VGLL3: variants seen among roughly 807,000 people sequenced by gnomAD.
The protein encoded by VGLL3 is vestigial like family member 3.
Under a neutral mutation model 29.2 loss-of-function variants are expected in VGLL3, and 18 were observed. The observed-to-expected ratio is 0.62, with a 90% confidence interval of 0.43 to 0.91. VGLL3 has a LOEUF of 0.91. VGLL3 is among the 40% of genes least tolerant of loss of function. The probability of loss-of-function intolerance (pLI) is 0.00; values close to 1 mark genes in which losing one functional copy is unlikely to be tolerated. For missense variants in VGLL3, 440 were observed against 413.2 expected (o/e 1.06, Z -0.56); for synonymous variants, 180 against 151.8 (o/e 1.19, Z -1.36).
At chr3:86,964,287 G>T (rs916931461) in intron 3 of VGLL3, among the ~76,000 whole-genome samples, 3 of 152,120 alleles carry the variant, frequency 2.0e-5, no homozygotes, top group Non-Finnish European at 2.9e-5. Flanking sequence ...GTATGGCATG[G>T]CAAAGCATAA....
chr3:86,950,441 A>T (rs1389777240), intron 3 of VGLL3, among the ~76,000 whole-genome samples: 1 of 152,106 alleles, frequency 6.6e-6, no homozygotes, highest in Admixed American at 6.5e-5. Flanking sequence ...TAGGATTTTA[A>T]AAGAGGTGGT....
chr3:86,978,721 C>G lies in VGLL3; in HGVS notation c.208G>C (p.Glu70Gln). The G allele has an allele frequency of 6.2e-7, 1 of 1,614,062 alleles. No individual in the cohort carries two copies. Among genetic ancestry groups the G allele is most frequent in the South Asian group, 1.1e-5 (1 of 91,082 alleles). The change falls in exon 2 of 4, where the codon GAG (glutamate) becomes CAG (glutamine). Residue 70 changes from glutamate to glutamine, a missense_variant. By Grantham distance (29) the Glu-to-Gln change is conservative (BLOSUM62 2). Coordinates refer to ENST00000398399, the MANE Select transcript of VGLL3 (RefSeq NM_016206.4). ...GGCTGGTCTTTCTCCTCCTCCTCCT[C>G]CTCCTCATCCTCCTCCTCTTGTTTG... ...PSKQEEEDEEEEEEEKDQPAE... is the reference protein window; with the variant it reads ...PSKQEEEDEEQEEEEKDQPAE...
chr3:86,966,773 GTATATATATATATATATATATATATA>G lies in VGLL3; in HGVS notation c.937+1791_937+1816del, dbSNP rs55986686. Among the ~76,000 whole-genome samples, 185 of 38,002 alleles carry G rather than the reference GTATATATATATATATATATATATATA, an allele frequency of 4.9e-3. 4 individuals carry two copies. The highest frequency in any genetic ancestry group is 0.014 in the African/African-American group (154 of 10,956). 24.9% of individuals were successfully genotyped at this position (38,002 alleles called of 152,430 possible). A position where few individuals can be genotyped will look rare whatever the true frequency, so the allele number is the denominator to read the frequency against. On this transcript the variant is annotated intron_variant, in intron 3 of 3. Transcript: ENST00000398399. ...GAACTTAAAGTAATAGTGTGTGTGT[GTATATATATATATATATATATATATA>G]TATATATATATATATATATATATAT...
At chr3:86,970,696 A>G (rs532145598) in intron 2 of VGLL3, among the ~76,000 whole-genome samples, 8 of 152,224 alleles carry the variant, frequency 5.3e-5, no homozygotes, top group African/African-American at 1.9e-4. Context: ...AAGGGTTTTA[A>G]TCTAGTAAGT....
intron 3 of VGLL3, among the ~76,000 whole-genome samples, chr3:86,948,935 T>A (rs910895608): frequency 6.6e-6 from 1 of 152,220 alleles, no homozygotes; most frequent in African/African-American, 2.4e-5. Flanking sequence ...GTTGGGTAAC[T>A]CTTGTAATCT....
chr3:86,971,892 C>A (rs1207567004), intron 2 of VGLL3, among the ~76,000 whole-genome samples: 1 of 152,196 alleles, frequency 6.6e-6, no homozygotes, highest in African/African-American at 2.4e-5. Context: ...ATCTTTGGGA[C>A]CAAAGCCTTC....
intron 3 of VGLL3, among the ~76,000 whole-genome samples, chr3:86,967,867 A>G (rs1704996962): frequency 6.6e-6 from 1 of 152,204 alleles, no homozygotes; most frequent in Non-Finnish European, 1.5e-5. Context: ...TGAATTCCAG[A>G]CAGGAGATGA....
At chr3:86,971,552 G>A (rs1196858305) in intron 2 of VGLL3, among the ~76,000 whole-genome samples, 2 of 152,180 alleles carry the variant, frequency 1.3e-5, no homozygotes, top group Non-Finnish European at 2.9e-5. Context: ...TTAATTGAAT[G>A]ACTTTGTTAA....
At chr3:86,978,260 C>T (rs1705249572) in intron 2 of VGLL3, among the ~76,000 whole-genome samples, 1 of 152,178 alleles carries the variant, frequency 6.6e-6, no homozygotes, top group Non-Finnish European at 1.5e-5. Context: ...CTTCGCAGCT[C>T]AGTGCAGCCA....
chr3:86,970,693 T>G (rs1049257704), intron 2 of VGLL3, among the ~76,000 whole-genome samples: 4 of 152,126 alleles, frequency 2.6e-5, no homozygotes, highest in African/African-American at 7.2e-5. Flanking sequence ...TTGAAGGGTT[T>G]TAATCTAGTA....
rs985076356 is a variant in VGLL3 at position 86,946,490 on chromosome 3, T to C, written c.*534A>G. 6.6e-6 allele frequency: 1 copy of C among 152,276 alleles called. No individual in the cohort carries two copies. Among genetic ancestry groups the C allele is most frequent in the African/African-American group, 2.4e-5 (1 of 41,460 alleles). 9.4% of individuals were successfully genotyped at this position (152,276 alleles called of 1,614,324 possible). ...ATAATAGACATCTTAGAGATAAGCA[T>C]TTTAAACATTTTTGCCAGTGCTTCT... On this transcript the variant is annotated 3_prime_UTR_variant, in exon 4 of 4. Coordinates refer to ENST00000398399, the MANE Select transcript of VGLL3 (RefSeq NM_016206.4).
intron 2 of VGLL3, among the ~76,000 whole-genome samples, chr3:86,971,781 G>A (rs1298590137): frequency 1.3e-5 from 2 of 152,174 alleles, no homozygotes; most frequent in Non-Finnish European, 2.9e-5. Flanking sequence ...AGCCATCAAT[G>A]TTTAAAGCTT....
intron 1 of VGLL3, among the ~76,000 whole-genome samples, chr3:86,989,661 TA>T (rs755047298): frequency 3.7e-4 from 57 of 152,220 alleles, no homozygotes; most frequent in Middle Eastern, 6.8e-3. Context: ...CAAATCTAGT[TA>T]TTTTTTTTAA....
rs539081696 is a variant in VGLL3 at position 86,947,216 on chromosome 3, G to A, written c.938-149C>T. 4.3e-4 allele frequency: 262 copies of A among 609,714 alleles called. 4 individuals are homozygous for A. Among genetic ancestry groups the A allele is most frequent in the South Asian group, 3.9e-3 (187 of 48,408 alleles). The allele number at this position is 609,714 out of a possible 1,614,324, so 37.8% of individuals were successfully genotyped here. A position where few individuals can be genotyped will look rare whatever the true frequency, so the allele number is the denominator to read the frequency against. ...GACCTGAAGACATCATGATCTCTAA[G>A]CAAATTCTGTGCTGGAGCTCACAAT... On this transcript the variant is annotated intron_variant, in intron 3 of 3. Coordinates refer to ENST00000398399, the MANE Select transcript of VGLL3 (RefSeq NM_016206.4).
intron 3 of VGLL3, among the ~76,000 whole-genome samples, chr3:86,965,878 T>C (rs1348815449): frequency 6.6e-6 from 1 of 152,152 alleles, no homozygotes; most frequent in Non-Finnish European, 1.5e-5. Flanking sequence ...AAATCTCTCA[T>C]TCTCCAAAGA....
intron 3 of VGLL3, among the ~76,000 whole-genome samples, chr3:86,967,463 T>C (rs1007085757): frequency 5.3e-5 from 8 of 152,082 alleles, no homozygotes; most frequent in African/African-American, 1.9e-4. Context: ...GGGGCAATGA[T>C]CAACAATGGA....
intron 2 of VGLL3, among the ~76,000 whole-genome samples, chr3:86,972,333 A>G (rs1281210490): frequency 6.6e-6 from 1 of 152,184 alleles, no homozygotes; most frequent in Admixed American, 6.5e-5. Context: ...TTCCCAGTCA[A>G]TATGTCTCTT....
At position 86,942,158 on chromosome 3, in the gene VGLL3, C is replaced by A. The variant is rs1269641562; in HGVS notation, c.*4866G>T. On this transcript the variant is annotated 3_prime_UTR_variant, in exon 4 of 4. Transcript: ENST00000398399. ...AAGCCTTTCTTATTCTGAAAGATGT[C>A]TTTTATCTTACAGGAAAGAAAAAAA... 2 of 152,080 alleles carry A rather than the reference C, an allele frequency of 1.3e-5. No homozygotes were observed. The highest frequency in any genetic ancestry group is 4.8e-5 in the African/African-American group (2 of 41,402). 9.4% of individuals were successfully genotyped at this position (152,080 alleles called of 1,614,324 possible).
At chr3:86,951,105 C>T (rs976558946) in intron 3 of VGLL3, among the ~76,000 whole-genome samples, 2 of 151,852 alleles carry the variant, frequency 1.3e-5, no homozygotes, top group Non-Finnish European at 2.9e-5. Context: ...AGACACCCAC[C>T]ACAACAACAA....
Sources: allele counts gnomAD v4.1 joint callset (sites outside exome capture counted in the v4.1 genomes callset), GRCh38; gene constraint gnomAD v4.1.1; transcripts MANE v1.5; gene names NCBI Gene and HGNC (gene_info 2026-07-23, HGNC 2026-07-21).